Variants in FBXO22 observed in about 807,000 individuals in gnomAD.
FBXO22 encodes F-box only protein 22.
In FBXO22, 13 loss-of-function variants were observed where a neutral mutation model predicts 37.2. The observed-to-expected ratio is 0.35, with a 90% CI of 0.23 to 0.56. The LOEUF is 0.56. Ranked by LOEUF, FBXO22 falls within the 20% of genes least tolerant of loss-of-function variation. The probability of loss-of-function intolerance (pLI) is 0.87; values close to 1 mark genes in which losing one functional copy is unlikely to be tolerated. For synonymous variants in FBXO22, 189 were observed against 189.1 expected (o/e 1.00, Z 0.00); for missense variants, 446 against 509.9 (o/e 0.87, Z 1.21).
rs201138132 is a variant in FBXO22 at position 75,932,839 on chromosome 15, C to T, written c.949C>T (p.His317Tyr). Reference sequence around the variant, plus strand: ...CCTCAAAGCGGCCAACATTCCAGAGCATAACACCATTGGCTTCATGTTTGC... The same window carrying T: ...CCTCAAAGCGGCCAACATTCCAGAGTATAACACCATTGGCTTCATGTTTGC... Reference protein sequence around the residue: ...QRLKAANIPEHNTIGFMFACV... With the variant: ...QRLKAANIPEYNTIGFMFACV... Residue 317 changes from histidine to tyrosine, a missense_variant, in exon 7 of 7, where the codon CAT becomes TAT. Coordinates refer to ENST00000308275, the MANE Select transcript of FBXO22 (RefSeq NM_147188.3). 6.9e-5 allele frequency: 111 copies of T among 1,614,264 alleles called. No individual in the cohort carries two copies. Among genetic ancestry groups the T allele is most frequent in the Middle Eastern group, 1.6e-4 (1 of 6,062 alleles).
At chr15:75,904,777 A>T (rs1376553321) in intron 2 of FBXO22, 148 bp downstream of exon 2, 4 of 752,928 alleles carry the variant, frequency 5.3e-6, no homozygotes, top group Non-Finnish European at 8.0e-6. Flanking sequence ...TAGTGACTAC[A>T]CGGTAAGGAT....
rs1567058383 is a variant in FBXO22 at position 75,934,603 on chromosome 15, A to G, written c.*1501A>G. Reference sequence around the variant, plus strand: ...TATATATATGATAAAAATGCTTGGAAGAGTCCTTTAATTTATGGTTATTCT... The same window carrying G: ...TATATATATGATAAAAATGCTTGGAGGAGTCCTTTAATTTATGGTTATTCT... On this transcript the variant is annotated 3_prime_UTR_variant, in exon 7 of 7. Coordinates refer to ENST00000308275, the MANE Select transcript of FBXO22 (RefSeq NM_147188.3). 1 of 152,162 alleles carries G rather than the reference A, an allele frequency of 6.6e-6. No homozygotes were observed. The highest frequency in any genetic ancestry group is 6.6e-5 in the Admixed American group (1 of 15,266). The allele number at this position is 152,162 out of a possible 1,614,324, so 9.4% of individuals were successfully genotyped here.
intron 5 of FBXO22, among the ~76,000 whole-genome samples, chr15:75,923,650 G>T (rs1025213083): frequency 2.0e-5 from 3 of 152,196 alleles, no homozygotes; most frequent in Non-Finnish European, 4.4e-5. Context: ...TCATTTTGGA[G>T]TACAAGAGTG....
At chr15:75,930,137 G>A (rs2029962508) in intron 6 of FBXO22, 88 bp downstream of exon 6, 13 of 1,597,626 alleles carry the variant, frequency 8.1e-6, no homozygotes, top group East Asian at 2.3e-5. Context: ...TTTAAAAAAC[G>A]TGTTTAAAGA....
intron 5 of FBXO22, among the ~76,000 whole-genome samples, chr15:75,920,838 A>C (rs1900305227): frequency 2.6e-5 from 4 of 152,112 alleles, no homozygotes; most frequent in Admixed American, 2.6e-4. Flanking sequence ...TAAATAAATA[A>C]ATAAAAATTT....
intron 5 of FBXO22, among the ~76,000 whole-genome samples, chr15:75,921,625 C>G (rs1178424354): frequency 1.5e-5 from 1 of 65,916 alleles, no homozygotes; most frequent in African/African-American, 3.8e-5. Context: ...TACACCACTG[C>G]ACTCCAGCCT....
At chr15:75,924,668 G>C (rs1289758460) in intron 5 of FBXO22, among the ~76,000 whole-genome samples, 1 of 152,162 alleles carries the variant, frequency 6.6e-6, no homozygotes, top group African/African-American at 2.4e-5. Context: ...TCTAGACTCA[G>C]AGCAGTGCCT....
rs1005701829 is a variant in FBXO22, at chr15:75,936,487, C to T, written c.*3385C>T. On this transcript the variant is annotated 3_prime_UTR_variant, in exon 7 of 7. Transcript: ENST00000308275. ...TTATATATTTAACTTCTACCCTATG[C>T]CACAACTGAAGACAGGTTACAAGAA... 6.6e-6 allele frequency: 1 copy of T among 152,266 alleles called. No homozygotes were observed. The highest frequency in any genetic ancestry group is 2.1e-4 in the South Asian group (1 of 4,824). The allele number at this position is 152,266 out of a possible 1,614,324, so 9.4% of individuals were successfully genotyped here. A position where few individuals can be genotyped will look rare whatever the true frequency, so the allele number is the denominator to read the frequency against.
At chr15:75,908,043 C>T (rs1388183325) in intron 2 of FBXO22, among the ~76,000 whole-genome samples, 1 of 152,140 alleles carries the variant, frequency 6.6e-6, no homozygotes, top group Non-Finnish European at 1.5e-5. Flanking sequence ...GCTGTCTTAA[C>T]TGTGCTTTGA....
rs760335477 is a variant in FBXO22, at chr15:75,937,231, CG to C, written c.*4132del. ...AAAACATTAAAAAAAAAAAAGAGGCCGGGCGTGGTGGCTCACGCCTGTAATT... is the reference window on the plus strand; with the variant it reads ...AAAACATTAAAAAAAAAAAAGAGGCCGGCGTGGTGGCTCACGCCTGTAATT... On this transcript the variant is annotated 3_prime_UTR_variant, in exon 7 of 7. Coordinates refer to ENST00000308275, the MANE Select transcript of FBXO22 (RefSeq NM_147188.3). The C allele has an allele frequency of 1.3e-5, 2 of 151,228 alleles. No individual in the cohort carries two copies. The highest frequency in any genetic ancestry group is 3.0e-5 in the Non-Finnish European group (2 of 67,778). The allele number at this position is 151,228 out of a possible 1,614,324, so 9.4% of individuals were successfully genotyped here. A position where few individuals can be genotyped will look rare whatever the true frequency, so the allele number is the denominator to read the frequency against.
chr15:75,904,384 T>TCC (rs1899872427), intron 1 of FBXO22, 107 bp from the exon 2 acceptor site: 5 of 1,533,494 alleles, frequency 3.3e-6, no homozygotes, highest in Non-Finnish European at 4.5e-6. Context: ...GGACTTTGGA[T>TCC]CCCGCAGGGA....
At chr15:75,908,849 T>C (rs545470204) in intron 2 of FBXO22, among the ~76,000 whole-genome samples, 1 of 152,230 alleles carries the variant, frequency 6.6e-6, no homozygotes, top group Non-Finnish European at 1.5e-5. Flanking sequence ...TTTCTGAAAA[T>C]GCTGTGTGGA....
rs890994010 is a variant in FBXO22, at chr15:75,937,455, G to A, written c.*4353G>A. On this transcript the variant is annotated 3_prime_UTR_variant, in exon 7 of 7. Coordinates refer to ENST00000308275, the MANE Select transcript of FBXO22 (RefSeq NM_147188.3). Reference sequence around the variant, plus strand: ...ACCTGGGAGGTGGAGCTTGCAGTGAGCCGAGATCGTGCCACTGCACTCCAG... The same window carrying A: ...ACCTGGGAGGTGGAGCTTGCAGTGAACCGAGATCGTGCCACTGCACTCCAG... 7.9e-5 allele frequency: 11 copies of A among 139,988 alleles called. No homozygotes were observed. Among genetic ancestry groups the A allele is most frequent in the African/African-American group, 2.9e-4 (11 of 37,632 alleles). The allele number at this position is 139,988 out of a possible 1,614,324, so 8.7% of individuals were successfully genotyped here.
chr15:75,904,253 G>GT, intron 1 of FBXO22, 150 bp downstream of exon 1: 1 of 1,213,352 alleles, frequency 8.2e-7, no homozygotes, highest in Non-Finnish European at 1.1e-6. Context: ...TACCCGCGAG[G>GT]TATCTCCCAG....
intron 2 of FBXO22, among the ~76,000 whole-genome samples, chr15:75,906,649 T>A (rs1308128800): frequency 6.6e-6 from 1 of 152,178 alleles, no homozygotes; most frequent in Non-Finnish European, 1.5e-5. Context: ...TGGGTGGTCT[T>A]TCTCCTTACC....
intron 5 of FBXO22, among the ~76,000 whole-genome samples, chr15:75,920,105 A>C (rs1310907212): frequency 6.6e-6 from 1 of 152,208 alleles, no homozygotes; most frequent in South Asian, 2.1e-4. Flanking sequence ...CCCATTGTTA[A>C]GTGTAAAGGC....
intron 2 of FBXO22, chr15:75,905,773 A>T (rs1487504027): frequency 6.6e-6 from 1 of 152,198 alleles, no homozygotes; most frequent in Non-Finnish European, 1.5e-5. Flanking sequence ...ACATCCATCA[A>T]TTGTGTCTTT....
chr15:75,921,450 A>G (rs1186056832), intron 5 of FBXO22, among the ~76,000 whole-genome samples: 1 of 152,082 alleles, frequency 6.6e-6, no homozygotes, highest in Non-Finnish European at 1.5e-5. Context: ...ATCCCTTGCG[A>G]TCAGGAATTT....
rs145638487 is a variant in FBXO22 at position 75,908,335 on chromosome 15, C to T, written c.279+3706C>T. Reference sequence around the variant, plus strand: ...TCGCCCAGGCTGGATTGCAGTGGCCCGATCTTGGCTCAGTGCAACCTCCAC... The same window carrying T: ...TCGCCCAGGCTGGATTGCAGTGGCCTGATCTTGGCTCAGTGCAACCTCCAC... On this transcript the variant is annotated intron_variant, in intron 2 of 6. Coordinates refer to ENST00000308275, the MANE Select transcript of FBXO22 (RefSeq NM_147188.3). 5.4e-3 allele frequency among the ~76,000 whole-genome samples: 824 copies of T among 151,788 alleles called. 8 individuals are homozygous for T. The highest frequency in any genetic ancestry group is 0.019 in the African/African-American group (780 of 41,374).
Sources: allele counts gnomAD v4.1 joint callset (sites outside exome capture counted in the v4.1 genomes callset), GRCh38; gene constraint gnomAD v4.1.1; transcripts MANE v1.5; gene names NCBI Gene and HGNC (gene_info 2026-07-23, HGNC 2026-07-21).